The following CADM2 variants were observed in gnomAD, a reference collection of about 807,000 sequenced individuals.
The protein encoded by CADM2 is cell adhesion molecule 2, also known as immunoglobulin superfamily member 4D.
Under a neutral mutation model 49.8 loss-of-function variants are expected in CADM2, and 12 were observed. That is an observed-to-expected ratio of 0.24 (90% confidence interval 0.15 to 0.39). The LOEUF (loss-of-function observed/expected upper bound fraction) is 0.39, where lower values mean the gene tolerates loss of function less well. Ranked by LOEUF, CADM2 falls within the 10% of genes least tolerant of loss-of-function variation. The probability of loss-of-function intolerance (pLI) is 1.00; values close to 1 mark genes in which losing one functional copy is unlikely to be tolerated. For missense variants in CADM2, 378 were observed against 492.3 expected (o/e 0.77, Z 2.20); for synonymous variants, 214 against 175.4 (o/e 1.22, Z -1.74).
intron 1 of CADM2, among the ~76,000 whole-genome samples, chr3:85,298,654 A>G (rs2044023824): frequency 6.6e-6 from 1 of 152,138 alleles, no homozygotes; most frequent in Non-Finnish European, 1.5e-5. Context: ...GAATTTGTGC[A>G]GCAAAGAAAA....
intron 8 of CADM2, among the ~76,000 whole-genome samples, chr3:86,017,482 G>A (rs1176189512): frequency 6.6e-6 from 1 of 151,978 alleles, no homozygotes; most frequent in Non-Finnish European, 1.5e-5. Flanking sequence ...CTGTAATCCA[G>A]CATTTTGGGA....
chr3:85,292,957 A>G lies in CADM2; in HGVS notation c.61+333289A>G, dbSNP rs1166715039. ...CTAAAATCAGAGCAGAACTGAAGGA[A>G]ATAGAGACACAAAAAGCCCTTCAAA... On this transcript the variant is annotated intron_variant, in intron 1 of 9. Transcript: ENST00000383699. 1.7e-4 allele frequency among the ~76,000 whole-genome samples: 26 copies of G among 152,176 alleles called. No individual in the cohort carries two copies. In the South Asian group the frequency reaches 3.1e-3, roughly 18 times the overall value.
intron 1 of CADM2, among the ~76,000 whole-genome samples, chr3:85,482,304 A>G (rs1260282920): frequency 6.6e-6 from 1 of 151,790 alleles, no homozygotes; most frequent in East Asian, 1.9e-4. Context: ...TTAATAAAAC[A>G]GTTTGGGTTT....
chr3:86,035,188 T>A (rs556942623), intron 8 of CADM2, among the ~76,000 whole-genome samples: 1 of 152,200 alleles, frequency 6.6e-6, no homozygotes, highest in South Asian at 2.1e-4. Flanking sequence ...TGTTGTTTTC[T>A]GAGCTCCCTG....
intron 1 of CADM2, among the ~76,000 whole-genome samples, chr3:85,557,687 T>C (rs550438160): frequency 4.6e-5 from 7 of 152,164 alleles, no homozygotes; most frequent in Non-Finnish European, 8.8e-5. Context: ...AATTATTCAT[T>C]TTGTTGCGGA....
At chr3:85,406,803 C>T (rs1246726626) in intron 1 of CADM2, among the ~76,000 whole-genome samples, 1 of 152,122 alleles carries the variant, frequency 6.6e-6, no homozygotes, top group Non-Finnish European at 1.5e-5. Flanking sequence ...GAGCTACCAC[C>T]TCTTGACTGC....
chr3:85,497,658 A>T (rs901078139), intron 1 of CADM2, among the ~76,000 whole-genome samples: 1 of 152,210 alleles, frequency 6.6e-6, no homozygotes, highest in Admixed American at 6.5e-5. Context: ...GGTATGTTTT[A>T]TCAAAGAACA....
At chr3:85,128,376 A>T (rs1035683194) in intron 1 of CADM2, among the ~76,000 whole-genome samples, 1 of 152,208 alleles carries the variant, frequency 6.6e-6, no homozygotes, top group Non-Finnish European at 1.5e-5. Context: ...TTATTAGGAT[A>T]CCAGAAGTTG....
intron 1 of CADM2, among the ~76,000 whole-genome samples, chr3:85,555,517 A>G (rs983762294): frequency 6.6e-6 from 1 of 152,148 alleles, no homozygotes; most frequent in Non-Finnish European, 1.5e-5. Flanking sequence ...CATATAATCA[A>G]AAGTAATTAT....
intron 1 of CADM2, among the ~76,000 whole-genome samples, chr3:85,501,941 G>T (rs1420740427): frequency 6.6e-6 from 1 of 151,978 alleles, no homozygotes; most frequent in African/African-American, 2.4e-5. Flanking sequence ...AGTACAAAAG[G>T]ATATCACACA....
chr3:84,995,796 T>C (rs1286826664), intron 1 of CADM2, among the ~76,000 whole-genome samples: 2 of 152,212 alleles, frequency 1.3e-5, no homozygotes, highest in African/African-American at 4.8e-5. Flanking sequence ...TTTTAGCTTG[T>C]TGTTTCCACA....
intron 2 of CADM2, among the ~76,000 whole-genome samples, chr3:85,776,049 C>A (rs1400401227): frequency 1.3e-5 from 2 of 151,546 alleles, no homozygotes; most frequent in African/African-American, 4.8e-5. Context: ...TTAAAAATAT[C>A]TGTGAATTTC....
intron 1 of CADM2, among the ~76,000 whole-genome samples, chr3:85,228,107 G>T (rs1027661482): frequency 2.0e-5 from 3 of 152,004 alleles, no homozygotes; most frequent in Non-Finnish European, 4.4e-5. Flanking sequence ...GTGCCTTGAG[G>T]TTGCTCTTTT....
At chr3:86,015,349 G>A (rs1371326434) in intron 8 of CADM2, among the ~76,000 whole-genome samples, 7 of 152,090 alleles carry the variant, frequency 4.6e-5, no homozygotes, top group African/African-American at 1.7e-4. Flanking sequence ...CCTTCTGCGT[G>A]TACTCTGCTG....
At chr3:85,226,794 T>C (rs1409970730) in intron 1 of CADM2, among the ~76,000 whole-genome samples, 1 of 152,192 alleles carries the variant, frequency 6.6e-6, no homozygotes, top group African/African-American at 2.4e-5. Flanking sequence ...TACACACTGC[T>C]TAAATGTGTC....
At chr3:84,979,265 T>C (rs1321940395) in intron 1 of CADM2, among the ~76,000 whole-genome samples, 1 of 152,216 alleles carries the variant, frequency 6.6e-6, no homozygotes, top group Non-Finnish European at 1.5e-5. Context: ...TGATGCACAA[T>C]TCTTTCATGT....
intron 1 of CADM2, among the ~76,000 whole-genome samples, chr3:85,239,765 G>T (rs2042488318): frequency 6.6e-6 from 1 of 150,912 alleles, no homozygotes; most frequent in African/African-American, 2.4e-5. Context: ...TTAAATAATT[G>T]ACTTCTTTAA....
At chr3:85,725,034 A>G (rs1302078284) in intron 1 of CADM2, among the ~76,000 whole-genome samples, 6 of 151,902 alleles carry the variant, frequency 3.9e-5, no homozygotes, top group Non-Finnish European at 8.8e-5. Flanking sequence ...AAATCTTCAC[A>G]ATAATATTGT....
At chr3:84,970,982 T>C (rs981347069) in intron 1 of CADM2, among the ~76,000 whole-genome samples, 1 of 152,132 alleles carries the variant, frequency 6.6e-6, no homozygotes, top group African/African-American at 2.4e-5. Context: ...ATATTGAGGA[T>C]ATTCCTGTAA....
Sources: allele counts gnomAD v4.1 joint callset (sites outside exome capture counted in the v4.1 genomes callset), GRCh38; gene constraint gnomAD v4.1.1; transcripts MANE v1.5; gene names NCBI Gene and HGNC (gene_info 2026-07-23, HGNC 2026-07-21).